The following ALKBH8 variants were observed in gnomAD, a reference collection of about 807,000 sequenced individuals.
The protein encoded by ALKBH8 is tRNA (carboxymethyluridine(34)-5-O)-methyltransferase ALKBH8.
A neutral mutation model predicts 59.8 loss-of-function variants in ALKBH8; 36 were observed. The observed-to-expected ratio is 0.60, with a 90% CI of 0.46 to 0.79. The LOEUF (loss-of-function observed/expected upper bound fraction) is 0.79. Ranked by LOEUF, ALKBH8 falls within the 30% of genes least tolerant of loss-of-function variation. The pLI is 0.00. For missense variants in ALKBH8, 768 were observed against 801.0 expected (o/e 0.96, Z 0.50); for synonymous variants, 276 against 273.6 (o/e 1.01, Z -0.09).
Position 107,504,645 on chromosome 11 carries a change from T to C in ALKBH8, c.*13A>G, listed in dbSNP as rs1862298596. 6.5e-7 allele frequency: 1 copy of C among 1,544,112 alleles called. No individual in the cohort carries two copies. The highest frequency in any genetic ancestry group is 2.0e-5 in the Admixed American group (1 of 49,132). ...GCATTTCTTCTTTATATATGATGTG[T>C]TCAGGTAAATAATCAGGCCTTTTGA... is the stretch of plus-strand genomic sequence containing the variant. On this transcript the variant is annotated 3_prime_UTR_variant, in exon 12 of 12. Coordinates refer to ENST00000428149, the MANE Select transcript of ALKBH8 (RefSeq NM_138775.3).
chr11:107,526,532 C>G (rs1863364320), intron 8 of ALKBH8, among the ~76,000 whole-genome samples: 1 of 151,754 alleles, frequency 6.6e-6, no homozygotes, highest in African/African-American at 2.4e-5. Flanking sequence ...TGTGTGGCTG[C>G]CTTCTCGTTT....
chr11:107,504,939 G>T lies in ALKBH8; in HGVS notation c.1714C>A (p.Gln572Lys). The T allele has an allele frequency of 6.4e-7, 1 of 1,551,862 alleles. No individual in the cohort carries two copies. Among genetic ancestry groups the T allele is most frequent in the Non-Finnish European group, 8.7e-7 (1 of 1,146,962 alleles). Residue 572 changes from glutamine to lysine, a missense_variant, in exon 12 of 12, where the codon CAA becomes AAA. Transcript: ENST00000428149. ...ACAGGCAGCTTGGAATTAGAAACTTGCCTTGAATTACATCCTCCTTCCTGA... is the reference window on the plus strand; with the variant it reads ...ACAGGCAGCTTGGAATTAGAAACTTTCCTTGAATTACATCCTCCTTCCTGA... ...DSQEGGCNSR[Q>K]VSNSKLPVHV...
intron 6 of ALKBH8, 22 bp downstream of exon 6, chr11:107,551,786 T>C: frequency 6.7e-7 from 1 of 1,491,072 alleles, no homozygotes; most frequent in East Asian, 2.7e-5. Flanking sequence ...GTGACTAAAA[T>C]TTTTGAACAA....
intron 7 of ALKBH8, among the ~76,000 whole-genome samples, chr11:107,537,921 A>T (rs971272861): frequency 1.3e-5 from 2 of 152,134 alleles, no homozygotes; most frequent in African/African-American, 4.8e-5. Context: ...GAAAAGCTTT[A>T]TACTTTAGTG....
chr11:107,530,912 A>G (rs1312913386), intron 8 of ALKBH8, among the ~76,000 whole-genome samples: 1 of 152,198 alleles, frequency 6.6e-6, no homozygotes, highest in African/African-American at 2.4e-5. Context: ...TTTTCACAAT[A>G]TATCCATGAA....
chr11:107,531,888 T>C (rs1245565237), intron 8 of ALKBH8, among the ~76,000 whole-genome samples: 3 of 152,358 alleles, frequency 2.0e-5, no homozygotes, highest in Middle Eastern at 3.4e-3. Flanking sequence ...CCACTAGCCA[T>C]AGCTTGCCAA....
intron 10 of ALKBH8, among the ~76,000 whole-genome samples, chr11:107,516,047 G>A (rs1226982830): frequency 1.3e-5 from 2 of 152,154 alleles, no homozygotes; most frequent in Non-Finnish European, 2.9e-5. Flanking sequence ...TACGCATATA[G>A]ATTAAAGCAG....
Position 107,551,803 on chromosome 11 carries a change from CT to C in ALKBH8, c.700+4del, listed in dbSNP as rs1170108552. 1 of 1,524,776 alleles carries C rather than the reference CT, an allele frequency of 6.6e-7. No individual in the cohort carries two copies. Among genetic ancestry groups the C allele is most frequent in the Non-Finnish European group, 8.8e-7 (1 of 1,142,380 alleles). The allele number at this position is 1,524,776 out of a possible 1,614,324, so 94.5% of individuals were successfully genotyped here. A position where few individuals can be genotyped will look rare whatever the true frequency, so the allele number is the denominator to read the frequency against. ...GACTAAAATTTTTGAACAAGAAATACTCACCTTGCCCAGGTTCATACTGATT... is the reference window on the plus strand; with the variant it reads ...GACTAAAATTTTTGAACAAGAAATACCACCTTGCCCAGGTTCATACTGATT... On this transcript the variant is annotated splice_donor_region_variant and intron_variant, in intron 6 of 11. Coordinates refer to ENST00000428149, the MANE Select transcript of ALKBH8 (RefSeq NM_138775.3).
chr11:107,556,969 C>T lies in ALKBH8; in HGVS notation c.164G>A (p.Gly55Asp). ...CGGGAGCAGCTGGTTCCGACTCACA[C>T]CATTACCCAAACCACCATTGGCAAC... ...LVVANGGLGN[G>D]VSRNQLLPVL... The change falls in exon 3 of 12, where the codon GGT becomes GAT. Residue 55 changes from glycine (G) to aspartate (D), a missense_variant. Transcript: ENST00000428149. 6.2e-7 allele frequency: 1 copy of T among 1,601,722 alleles called. No individual in the cohort carries two copies. Among genetic ancestry groups the T allele is most frequent in the Non-Finnish European group, 8.5e-7 (1 of 1,174,456 alleles).
At chr11:107,505,560 C>T (rs1036853974) in intron 11 of ALKBH8, among the ~76,000 whole-genome samples, 2 of 152,172 alleles carry the variant, frequency 1.3e-5, no homozygotes, top group Non-Finnish European at 2.9e-5. Context: ...TTATATAATG[C>T]TTTTACAAAG....
chr11:107,506,267 T>A (rs1862379502), intron 11 of ALKBH8, among the ~76,000 whole-genome samples: 1 of 152,168 alleles, frequency 6.6e-6, no homozygotes, highest in Admixed American at 6.6e-5. Context: ...AGTGATCTGC[T>A]TATACTTTAT....
At chr11:107,551,779 A>C in intron 6 of ALKBH8, 29 bp downstream of exon 6, 1 of 1,410,544 alleles carries the variant, frequency 7.1e-7, no homozygotes, top group Non-Finnish European at 9.6e-7. Context: ...AAAATATGTG[A>C]CTAAAATTTT....
chr11:107,535,893 A>G (rs562153489), intron 7 of ALKBH8, among the ~76,000 whole-genome samples: 20 of 152,324 alleles, frequency 1.3e-4, no homozygotes, highest in Admixed American at 3.3e-4. Flanking sequence ...CTTCAAATGT[A>G]GAAAGAAGAC....
Position 107,556,917 on chromosome 11 carries a change from A to G in ALKBH8, c.216T>C (p.Asp72=), listed in dbSNP as rs1445846323. ...GCTTGTTAGGTGGCATTAAGAGAGC[A>G]TCCACCAGTCCACATTTCTCTAAAA... ...LPVLEKCGLV[D]ALLMPPNKPY... The change falls in exon 3 of 12, where the codon GAT becomes GAC. Residue 72 remains aspartate, a synonymous_variant. Transcript: ENST00000428149. 6.2e-7 allele frequency: 1 copy of G among 1,612,964 alleles called. No homozygotes were observed. The highest frequency in any genetic ancestry group is 1.3e-5 in the African/African-American group (1 of 74,810).
chr11:107,521,809 T>C (rs1446429976), intron 10 of ALKBH8, among the ~76,000 whole-genome samples: 1 of 152,154 alleles, frequency 6.6e-6, no homozygotes, highest in Non-Finnish European at 1.5e-5. Flanking sequence ...TACCAATAAA[T>C]AGAAAATTTT....
intron 7 of ALKBH8, among the ~76,000 whole-genome samples, chr11:107,536,939 T>TA (rs1863841150): frequency 6.6e-6 from 1 of 152,158 alleles, no homozygotes; most frequent in Non-Finnish European, 1.5e-5. Flanking sequence ...CAACTCCACT[T>TA]AGACTGTAAT....
At chr11:107,542,884 T>A (rs1431661785) in intron 7 of ALKBH8, among the ~76,000 whole-genome samples, 1 of 152,172 alleles carries the variant, frequency 6.6e-6, no homozygotes, top group Non-Finnish European at 1.5e-5. Flanking sequence ...CACTCCAGCC[T>A]GGGCAACAGA....
At chr11:107,507,034 TCA>T (rs1862416457) in intron 11 of ALKBH8, among the ~76,000 whole-genome samples, 1 of 152,146 alleles carries the variant, frequency 6.6e-6, no homozygotes, top group South Asian at 2.1e-4. Context: ...GACTATAATG[TCA>T]GAGATACATG....
intron 8 of ALKBH8, among the ~76,000 whole-genome samples, chr11:107,529,528 G>A (rs890268745): frequency 1.3e-5 from 2 of 148,922 alleles, no homozygotes; most frequent in Admixed American, 1.3e-4. Context: ...TTTTTGATAT[G>A]GAGTCTCACT....
Sources: gnomAD v4.1 joint callset for allele counts (sites outside exome capture counted in the v4.1 genomes callset) on GRCh38, gnomAD v4.1.1 for gene constraint, MANE v1.5 for transcripts, NCBI Gene and HGNC (gene_info 2026-07-23, HGNC 2026-07-21) for gene names.